Variants in CRB1 observed in about 807,000 individuals in gnomAD.
CRB1 encodes the protein protein crumbs homolog 1.
CRB1 carries 83 observed loss-of-function variants against 120.0 expected under a neutral mutation model. The ratio of observed to expected loss-of-function variants is 0.69; its 90% CI spans 0.58 to 0.83. CRB1 has a LOEUF of 0.83. Among genes scored for constraint, CRB1 ranks in the 40% least tolerant of loss-of-function variants. The probability of loss-of-function intolerance (pLI) is 0.00; values close to 1 mark genes in which losing one functional copy is unlikely to be tolerated. For synonymous variants in CRB1, 625 were observed against 612.5 expected (o/e 1.02, Z -0.30); for missense variants, 1,699 against 1,687.6 (o/e 1.01, Z -0.12).
chr1:197,398,526 A>T lies in CRB1; in HGVS notation c.1172-22474A>T, dbSNP rs557281704. 3.3e-5 allele frequency among the ~76,000 whole-genome samples: 5 copies of T among 152,308 alleles called. No individual in the cohort carries two copies. The East Asian group carries it at 9.6e-4, about 29-fold the overall frequency. ...TGGAAGATAAGGATAGATTAAAGAGATGTAGAAGAAAGAATCAGTAGGGCT... is the reference window on the plus strand; with the variant it reads ...TGGAAGATAAGGATAGATTAAAGAGTTGTAGAAGAAAGAATCAGTAGGGCT... On this transcript the variant is annotated intron_variant, in intron 5 of 11. Transcript: ENST00000367400.
chr1:197,302,063 C>A (rs1558039691), intron 1 of CRB1, among the ~76,000 whole-genome samples: 1 of 152,058 alleles, frequency 6.6e-6, no homozygotes, highest in Admixed American at 6.5e-5. Context: ...TATCAAAAAG[C>A]ACAGCATGTT....
At chr1:197,230,255 C>T in the CRB1 span, among the ~76,000 whole-genome samples, 1 of 152,076 alleles carries the variant, frequency 6.6e-6, no homozygotes, top group African/African-American at 2.4e-5. Context: ...TGAATTAGCT[C>T]AATGAAAAAT....
At chr1:197,345,301 A>G (rs1295502563) in intron 3 of CRB1, among the ~76,000 whole-genome samples, 1 of 152,122 alleles carries the variant, frequency 6.6e-6, no homozygotes, top group East Asian at 1.9e-4. Context: ...CCATATTACA[A>G]TAAGGAGTCT....
intron 8 of CRB1, among the ~76,000 whole-genome samples, chr1:197,433,227 T>G (rs1250669999): frequency 6.6e-6 from 1 of 152,092 alleles, no homozygotes; most frequent in Non-Finnish European, 1.5e-5. Flanking sequence ...GAATTTAGGA[T>G]TTCTTTTAAA....
intron 5 of CRB1, among the ~76,000 whole-genome samples, chr1:197,361,070 A>T (rs1424550588): frequency 6.6e-6 from 1 of 152,168 alleles, no homozygotes; most frequent in African/African-American, 2.4e-5. Flanking sequence ...TTCATTTTCA[A>T]ATATTGAACC....
chr1:197,304,209 G>A (rs1366497793), intron 1 of CRB1, among the ~76,000 whole-genome samples: 1 of 152,008 alleles, frequency 6.6e-6, no homozygotes, highest in Admixed American at 6.6e-5. Flanking sequence ...AATCTTCATA[G>A]CACATCTCTC....
At chr1:197,443,818 C>A (rs1332871005) in intron 11 of CRB1, 1 of 151,808 alleles carries the variant, frequency 6.6e-6, no homozygotes, top group Non-Finnish European at 1.5e-5. Flanking sequence ...AAAAAACTTT[C>A]TTAATGTTTT....
intron 1 of CRB1, among the ~76,000 whole-genome samples, chr1:197,313,904 A>C (rs561145457): frequency 3.3e-5 from 5 of 152,304 alleles, no homozygotes; most frequent in Non-Finnish European, 5.9e-5. Flanking sequence ...AAATATCTCA[A>C]GTCTTTAATC....
At chr1:197,230,885 A>T in the CRB1 span, among the ~76,000 whole-genome samples, 1 of 152,184 alleles carries the variant, frequency 6.6e-6, no homozygotes, top group African/African-American at 2.4e-5. Flanking sequence ...CATGTTATTT[A>T]GTCTCTTGGA....
intron 1 of CRB1, among the ~76,000 whole-genome samples, chr1:197,295,850 T>C (rs754646230): frequency 1.3e-5 from 2 of 152,012 alleles, no homozygotes; most frequent in Non-Finnish European, 2.9e-5. Flanking sequence ...AATAAAGTAT[T>C]ATGTCTTCAT....
At chr1:197,456,534 A>G (rs188884857) in intron 11 of CRB1, among the ~76,000 whole-genome samples, 2 of 152,262 alleles carry the variant, frequency 1.3e-5, no homozygotes, top group East Asian at 3.9e-4. Context: ...CTTGACCATT[A>G]GTCACCACTT....
intron 3 of CRB1, among the ~76,000 whole-genome samples, chr1:197,345,552 A>G (rs1211588974): frequency 8.2e-6 from 1 of 121,726 alleles, no homozygotes; most frequent in African/African-American, 3.3e-5. Flanking sequence ...TGTGTCACCC[A>G]GGCTGGAGTG....
chr1:197,346,071 A>G (rs1258780662), intron 3 of CRB1, among the ~76,000 whole-genome samples: 1 of 152,138 alleles, frequency 6.6e-6, no homozygotes, highest in Non-Finnish European at 1.5e-5. Flanking sequence ...GAAACGACAC[A>G]ACTTTTTGAT....
intron 1 of CRB1, among the ~76,000 whole-genome samples, chr1:197,283,539 A>AATTCCACC (rs1439554887): frequency 2.0e-5 from 3 of 151,890 alleles, no homozygotes; most frequent in Non-Finnish European, 4.4e-5. Flanking sequence ...AATGTTCTCT[A>AATTCCACC]ATTCCACCCA....
the CRB1 span, among the ~76,000 whole-genome samples, chr1:197,231,768 A>T: frequency 6.6e-6 from 1 of 152,180 alleles, no homozygotes; most frequent in African/African-American, 2.4e-5. Flanking sequence ...TGCAATCAGG[A>T]ACATTTTGGT....
chr1:197,375,425 T>G (rs984961303), intron 5 of CRB1, among the ~76,000 whole-genome samples: 20 of 152,156 alleles, frequency 1.3e-4, no homozygotes, highest in Admixed American at 1.1e-3. Flanking sequence ...AATCTGTTTT[T>G]TGTCCCAACT....
intron 1 of CRB1, among the ~76,000 whole-genome samples, chr1:197,319,098 C>T (rs937064730): frequency 6.6e-6 from 1 of 150,790 alleles, no homozygotes; most frequent in Non-Finnish European, 1.5e-5. Context: ...CCTTGATTTA[C>T]ACTAAAAAAG....
intron 11 of CRB1, among the ~76,000 whole-genome samples, chr1:197,446,921 G>C (rs764965181): frequency 3.9e-5 from 6 of 152,042 alleles, no homozygotes; most frequent in Non-Finnish European, 8.8e-5. Context: ...AGTTCAAGAG[G>C]CATATCAGGG....
the CRB1 span, among the ~76,000 whole-genome samples, chr1:197,220,069 T>A: frequency 2.0e-5 from 3 of 152,206 alleles, no homozygotes; most frequent in African/African-American, 7.2e-5. Flanking sequence ...TTCTGATTAG[T>A]ACATTTCCTC....
Sources: allele counts gnomAD v4.1 joint callset (sites outside exome capture counted in the v4.1 genomes callset), GRCh38; gene constraint gnomAD v4.1.1; transcripts MANE v1.5; gene names NCBI Gene and HGNC (gene_info 2026-07-23, HGNC 2026-07-21).